The following HMGA2 variants were observed in gnomAD, a reference collection of about 807,000 sequenced individuals.
HMGA2 encodes high mobility group AT-hook 2.
A neutral mutation model predicts 19.1 loss-of-function variants in HMGA2; 8 were observed. The observed-to-expected ratio is 0.42, with a 90% CI of 0.25 to 0.76. HMGA2 has a LOEUF of 0.76. Among genes scored for constraint, HMGA2 ranks in the 30% least tolerant of loss-of-function variants. The probability of loss-of-function intolerance (pLI) is 0.28; values close to 1 mark genes in which losing one functional copy is unlikely to be tolerated. For missense variants in HMGA2, 109 were observed against 136.3 expected, an observed-to-expected ratio of 0.80 and a Z score of 1.00; for synonymous variants, 60 against 48.8, an observed-to-expected ratio of 1.23 and a Z score of -0.96.
intron 3 of HMGA2, among the ~76,000 whole-genome samples, chr12:65,875,126 A>G (rs186710014): frequency 1.1e-4 from 17 of 152,356 alleles, no homozygotes; most frequent in African/African-American, 3.8e-4. Context: ...AGTTAATACA[A>G]GTAATTGTCC....
chr12:65,907,673 C>G (rs1874658879), intron 3 of HMGA2, among the ~76,000 whole-genome samples: 1 of 152,174 alleles, frequency 6.6e-6, no homozygotes, highest in East Asian at 1.9e-4. Flanking sequence ...GGCACACAAG[C>G]CAACGTTTAG....
At chr12:65,906,692 G>A (rs1358480835) in intron 3 of HMGA2, among the ~76,000 whole-genome samples, 1 of 152,194 alleles carries the variant, frequency 6.6e-6, no homozygotes, top group African/African-American at 2.4e-5. Flanking sequence ...TAGAAGGGTA[G>A]AGGGGGAAAG....
At chr12:65,907,354 G>A (rs910312767) in intron 3 of HMGA2, among the ~76,000 whole-genome samples, 3 of 140,738 alleles carry the variant, frequency 2.1e-5, no homozygotes, top group Non-Finnish European at 3.0e-5. Context: ...AGGTTGCAGC[G>A]AACCAAGATC....
At chr12:65,900,361 T>TA (rs1874321424) in intron 3 of HMGA2, among the ~76,000 whole-genome samples, 1 of 152,192 alleles carries the variant, frequency 6.6e-6, no homozygotes, top group Non-Finnish European at 1.5e-5. Context: ...AGCTTGTTTT[T>TA]AGTTTTACTT....
intron 3 of HMGA2, among the ~76,000 whole-genome samples, chr12:65,926,217 T>G (rs900480756): frequency 6.6e-6 from 1 of 152,202 alleles, no homozygotes; most frequent in South Asian, 2.1e-4. Flanking sequence ...AAGCGAGAGA[T>G]AACAACAGTG....
chr12:65,860,140 C>G (rs1427750536), intron 3 of HMGA2: 1 of 386,558 alleles, frequency 2.6e-6, no homozygotes, highest in Admixed American at 2.7e-5. Flanking sequence ...TTTAAGACAT[C>G]TCACCTACTG....
chr12:65,939,972 C>T (rs1876036426), intron 3 of HMGA2, among the ~76,000 whole-genome samples: 1 of 152,070 alleles, frequency 6.6e-6, no homozygotes, highest in Non-Finnish European at 1.5e-5. Context: ...TGGTCACAGA[C>T]AATAACACAT....
chr12:65,966,012 T>A lies in HMGA2; in HGVS notation c.*2720T>A, dbSNP rs1876898693. 4.5e-6 allele frequency: 1 copy of A among 221,214 alleles called. No individual in the cohort carries two copies. Among genetic ancestry groups the A allele is most frequent in the Admixed American group, 5.8e-5 (1 of 17,320 alleles). The allele number at this position is 221,214 out of a possible 1,614,324, so 13.7% of individuals were successfully genotyped here. A position where few individuals can be genotyped will look rare whatever the true frequency, so the allele number is the denominator to read the frequency against. On this transcript the variant is annotated 3_prime_UTR_variant, in exon 5 of 5. Coordinates refer to ENST00000403681, the MANE Select transcript of HMGA2 (RefSeq NM_003483.6). ...TTAACTTTTCTACCATTTCTGCAAG[T>A]TAGGTATGTTTGCAGGAGAAAAGTA... is the stretch of plus-strand genomic sequence containing the variant.
At chr12:65,885,873 G>A (rs899454241) in intron 3 of HMGA2, among the ~76,000 whole-genome samples, 2 of 152,088 alleles carry the variant, frequency 1.3e-5, no homozygotes, top group Non-Finnish European at 2.9e-5. Context: ...GTTTTGTTTT[G>A]AGGGAAATTA....
rs751128412 is a variant in HMGA2, at chr12:65,899,043, CAAAAAAAAAA to C, written c.250-52320_250-52311del. On this transcript the variant is annotated intron_variant, in intron 3 of 4. Transcript: ENST00000403681. ...TGGGCAACAGAGCGAGACTCCGTCTCAAAAAAAAAAAAAAAAAAAAAAAAAAAAAGATGAG... is the reference window on the plus strand; with the variant it reads ...TGGGCAACAGAGCGAGACTCCGTCTCAAAAAAAAAAAAAAAAAAAGATGAG... Among the ~76,000 whole-genome samples the C allele has an allele frequency of 2.8e-4, 7 of 25,352 alleles. No individual in the cohort carries two copies. In the South Asian group the frequency reaches 4.1e-3, roughly 15 times the overall value. The allele number at this position is 25,352 out of a possible 152,430, so 16.6% of individuals were successfully genotyped here.
chr12:65,827,906 T>A (rs934773222), intron 1 of HMGA2, 95 bp from the exon 2 acceptor site: 3 of 855,922 alleles, frequency 3.5e-6, no homozygotes, highest in Admixed American at 3.6e-5. Flanking sequence ...ACAGCTCTTT[T>A]GAGCAGCACA....
chr12:65,846,101 C>A (rs1871224061), intron 3 of HMGA2, among the ~76,000 whole-genome samples: 2 of 152,242 alleles, frequency 1.3e-5, no homozygotes, highest in East Asian at 1.9e-4. Flanking sequence ...TACATCCAGG[C>A]TCGCCCCCAA....
intron 3 of HMGA2, among the ~76,000 whole-genome samples, chr12:65,841,156 G>GT (rs945482196): frequency 3.3e-5 from 5 of 152,014 alleles, no homozygotes; most frequent in South Asian, 4.1e-4. Context: ...GGATATATAT[G>GT]TTTTTTTTCT....
intron 3 of HMGA2, among the ~76,000 whole-genome samples, chr12:65,862,119 A>G (rs1016374429): frequency 6.6e-6 from 1 of 152,190 alleles, no homozygotes; most frequent in Non-Finnish European, 1.5e-5. Flanking sequence ...TGCTGGGATT[A>G]CAGGTGTGAG....
intron 3 of HMGA2, among the ~76,000 whole-genome samples, chr12:65,882,685 T>A (rs889800430): frequency 5.9e-5 from 9 of 152,230 alleles, no homozygotes; most frequent in Non-Finnish European, 1.0e-4. Context: ...AGGGTTGTTG[T>A]GACAATTAAA....
chr12:65,941,860 T>C (rs533474754), intron 3 of HMGA2, among the ~76,000 whole-genome samples: 23 of 152,216 alleles, frequency 1.5e-4, no homozygotes, highest in Non-Finnish European at 3.4e-4. Flanking sequence ...ATGAAAGTAC[T>C]AAGAACTGTT....
chr12:65,875,632 G>T (rs138586069), intron 3 of HMGA2, among the ~76,000 whole-genome samples: 73 of 20,132 alleles, frequency 3.6e-3, no homozygotes, highest in East Asian at 0.01. Flanking sequence ...TTTTTTTTTA[G>T]TAAAGACAAG....
At chr12:65,919,149 G>A (rs774738419) in intron 3 of HMGA2, among the ~76,000 whole-genome samples, 35 of 152,250 alleles carry the variant, frequency 2.3e-4, no homozygotes, top group Non-Finnish European at 3.8e-4. Context: ...GGAACATTGC[G>A]CAGCATAGAC....
At chr12:65,935,176 T>C (rs1386620329) in intron 3 of HMGA2, 1 of 152,220 alleles carries the variant, frequency 6.6e-6, no homozygotes, top group Admixed American at 6.5e-5. Context: ...ACATTCAAGC[T>C]CTTCCATATT....
Sources: allele counts gnomAD v4.1 joint callset (sites outside exome capture counted in the v4.1 genomes callset), GRCh38; gene constraint gnomAD v4.1.1; transcripts MANE v1.5; gene names NCBI Gene and HGNC (gene_info 2026-07-23, HGNC 2026-07-21).